The following PPFIA1 variants were observed in gnomAD, a reference collection of about 807,000 sequenced individuals.
The protein encoded by PPFIA1 is liprin-alpha-1.
PPFIA1 carries 25 observed loss-of-function variants against 149.9 expected under a neutral mutation model. The observed-to-expected ratio is 0.17, with a 90% CI of 0.12 to 0.23. The LOEUF is 0.23. Ranked by LOEUF, PPFIA1 falls within the 10% of genes least tolerant of loss-of-function variation. The pLI, the probability that PPFIA1 is intolerant of heterozygous loss-of-function variation, is 1.00. For missense variants in PPFIA1, 1,362 were observed against 1,506.5 expected (o/e 0.90, Z 1.59); for synonymous variants, 549 against 552.8 (o/e 0.99, Z 0.10).
chr11:70,354,363 G>T lies in PPFIA1; in HGVS notation c.2226G>T (p.Pro742=). ...DKTTIKCETS[P]PSSPRALRLD... ...CAACCATAAAGTGTGAAACCTCCCC[G>T]CCTTCCTCCCCGAGAGCCCTTCGGT... Residue 742 remains proline, a synonymous_variant, in exon 17 of 28, where the codon CCG becomes CCT. Coordinates refer to ENST00000253925, the MANE Select transcript of PPFIA1 (RefSeq NM_003626.5). 6.2e-6 allele frequency: 10 copies of T among 1,613,982 alleles called. No homozygotes were observed. Among genetic ancestry groups the T allele is most frequent in the Non-Finnish European group, 6.8e-6 (8 of 1,180,000 alleles).
At chr11:70,375,634 CAAA>C (rs2057459622) in intron 24 of PPFIA1, 1 of 151,666 alleles carries the variant, frequency 6.6e-6, no homozygotes, top group African/African-American at 2.4e-5. Flanking sequence ...CAAAAAAATA[CAAA>C]AAAATTAGCC....
intron 26 of PPFIA1, 113 bp downstream of exon 26, chr11:70,378,308 G>C: frequency 7.2e-7 from 1 of 1,396,190 alleles, no homozygotes; most frequent in Non-Finnish European, 9.3e-7. Context: ...AGGCACTTGA[G>C]TATGGTTGCA....
In PPFIA1 at chr11:70,366,013, A is replaced by G. The variant is rs532389736; in HGVS notation, c.2865+3525A>G. 1.3e-5 allele frequency: 6 copies of G among 449,884 alleles called. No individual in the cohort carries two copies. The East Asian group carries it at 4.2e-4, about 31-fold the overall frequency. The allele number at this position is 449,884 out of a possible 1,614,324, so 27.9% of individuals were successfully genotyped here. On this transcript the variant is annotated intron_variant, in intron 21 of 27. Coordinates refer to ENST00000253925, the MANE Select transcript of PPFIA1 (RefSeq NM_003626.5). ...TATTCTTCACTACATGTACAGCAGCAAAAAGCAATTGGAGTATGAAAACTT... is the reference window on the plus strand; with the variant it reads ...TATTCTTCACTACATGTACAGCAGCGAAAAGCAATTGGAGTATGAAAACTT...
At chr11:70,310,066 A>T (rs913661491) in intron 2 of PPFIA1, among the ~76,000 whole-genome samples, 2 of 152,192 alleles carry the variant, frequency 1.3e-5, no homozygotes, top group Non-Finnish European at 2.9e-5. Context: ...AAATTTTTTG[A>T]ATGTATATTC....
chr11:70,295,790 C>T (rs1348293897), intron 2 of PPFIA1, among the ~76,000 whole-genome samples: 1 of 151,898 alleles, frequency 6.6e-6, no homozygotes, highest in Non-Finnish European at 1.5e-5. Flanking sequence ...GGCTGACCCC[C>T]ACCTCCCTCC....
chr11:70,376,634 G>A (rs781115597), intron 25 of PPFIA1, 34 bp downstream of exon 25: 10 of 1,493,080 alleles, frequency 6.7e-6, no homozygotes, highest in Non-Finnish European at 9.3e-6. Flanking sequence ...TTAAATGTCT[G>A]AAATGTGTGT....
At chr11:70,332,400 T>A (rs1226204907) in intron 9 of PPFIA1, among the ~76,000 whole-genome samples, 1 of 152,138 alleles carries the variant, frequency 6.6e-6, no homozygotes, top group Non-Finnish European at 1.5e-5. Flanking sequence ...GAAGTCTCTG[T>A]AAAAGAAGGG....
chr11:70,298,563 G>T (rs1316998335), intron 2 of PPFIA1, among the ~76,000 whole-genome samples: 2 of 152,186 alleles, frequency 1.3e-5, no homozygotes, highest in Non-Finnish European at 2.9e-5. Context: ...CTGCCAGGAA[G>T]TGACATTTTC....
chr11:70,294,166 T>A (rs2051729594), intron 2 of PPFIA1, among the ~76,000 whole-genome samples: 1 of 152,112 alleles, frequency 6.6e-6, no homozygotes, highest in Non-Finnish European at 1.5e-5. Context: ...GGTCTCAAAC[T>A]CTTGGCCTCA....
chr11:70,335,565 A>G lies in PPFIA1; in HGVS notation c.1299A>G (p.Ala433=), dbSNP rs1159275815. 1.9e-5 allele frequency: 30 copies of G among 1,613,546 alleles called. No homozygotes were observed. Among genetic ancestry groups the G allele is most frequent in the Non-Finnish European group, 2.5e-5 (29 of 1,179,798 alleles). The change falls in exon 11 of 28, where the codon GCA becomes GCG. Residue 433 remains alanine (A), a splice_region_variant and synonymous_variant. Coordinates refer to ENST00000253925, the MANE Select transcript of PPFIA1 (RefSeq NM_003626.5). ...LEEKNQELQR[A]RQREKMNEEH... Reference sequence around the variant, plus strand: ...AGACTTTGTTTCTCCTGCTTTAGGCAAGGCAAAGAGAAAAAATGAACGAAG... The same window carrying G: ...AGACTTTGTTTCTCCTGCTTTAGGCGAGGCAAAGAGAAAAAATGAACGAAG...
intron 2 of PPFIA1, among the ~76,000 whole-genome samples, chr11:70,275,666 C>T (rs1201478067): frequency 6.6e-6 from 1 of 152,096 alleles, no homozygotes; most frequent in Non-Finnish European, 1.5e-5. Flanking sequence ...AAAGACTATT[C>T]TTTCCCCAGT....
Position 70,318,241 on chromosome 11 carries a change from A to G in PPFIA1, c.265-6161A>G, listed in dbSNP as rs114048687. ...GCCATTTCATACCTTCTCCTCTCCT[A>G]TCTTCCCCAAATGTAAATGCAGAAT... On this transcript the variant is annotated intron_variant, in intron 2 of 27. Transcript: ENST00000253925. Among the ~76,000 whole-genome samples the G allele has an allele frequency of 6.0e-3, 910 of 152,038 alleles. 10 individuals carry two copies. The highest frequency in any genetic ancestry group is 0.02 in the African/African-American group (821 of 41,460).
intron 19 of PPFIA1, 101 bp from the exon 20 acceptor site, chr11:70,361,994 C>T (rs2056678258): frequency 9.4e-7 from 1 of 1,058,344 alleles, no homozygotes; most frequent in South Asian, 1.3e-5. Context: ...CTCCTGGGCT[C>T]AAGTGGTCCT....
At chr11:70,308,902 G>A (rs2053066545) in intron 2 of PPFIA1, among the ~76,000 whole-genome samples, 1 of 152,172 alleles carries the variant, frequency 6.6e-6, no homozygotes, top group Non-Finnish European at 1.5e-5. Context: ...CAGTCTGGGT[G>A]ACAGGGCGAG....
chr11:70,346,259 A>G (rs981129193), intron 15 of PPFIA1, among the ~76,000 whole-genome samples: 3 of 151,892 alleles, frequency 2.0e-5, no homozygotes, highest in African/African-American at 7.3e-5. Context: ...CCTGAATCCA[A>G]GGGAGGAGCA....
chr11:70,319,105 A>T (rs910724471), intron 2 of PPFIA1, among the ~76,000 whole-genome samples: 1 of 151,824 alleles, frequency 6.6e-6, no homozygotes, highest in East Asian at 1.9e-4. Flanking sequence ...TTCAAAACAT[A>T]CTCTTCCCGT....
intron 2 of PPFIA1, among the ~76,000 whole-genome samples, chr11:70,312,889 CGG>C (rs1212084591): frequency 6.6e-6 from 1 of 152,076 alleles, no homozygotes; most frequent in Non-Finnish European, 1.5e-5. Flanking sequence ...TGAGGAATGC[CGG>C]GGCTGGGGGC....
At chr11:70,380,117 G>C (rs568846921) in intron 26 of PPFIA1, among the ~76,000 whole-genome samples, 3 of 152,276 alleles carry the variant, frequency 2.0e-5, no homozygotes, top group Non-Finnish European at 4.4e-5. Flanking sequence ...TGGATGAAAA[G>C]TAAACCTAGG....
chr11:70,343,603 T>C, intron 14 of PPFIA1, 66 bp from the exon 15 acceptor site: 1 of 1,419,230 alleles, frequency 7.0e-7, no homozygotes, highest in Admixed American at 1.9e-5. Context: ...AAATTTCCGA[T>C]AGATTTATGT....
Sources: gnomAD v4.1 joint callset for allele counts (sites outside exome capture counted in the v4.1 genomes callset) on GRCh38, gnomAD v4.1.1 for gene constraint, MANE v1.5 for transcripts, NCBI Gene and HGNC (gene_info 2026-07-23, HGNC 2026-07-21) for gene names.